TBC1D5: variants seen among roughly 807,000 people sequenced by gnomAD.
TBC1D5 encodes the protein TBC1 domain family, member 5.
TBC1D5 carries 75 observed loss-of-function variants against 100.3 expected under a neutral mutation model. The ratio of observed to expected loss-of-function variants is 0.75; its 90% CI spans 0.62 to 0.91. TBC1D5 has a LOEUF of 0.91. Among genes scored for constraint, TBC1D5 ranks in the 40% least tolerant of loss-of-function variants. The pLI is 0.00. For synonymous variants in TBC1D5, 323 were observed against 325.6 expected, an observed-to-expected ratio of 0.99 and a Z score of 0.09; for missense variants, 910 against 942.4, an observed-to-expected ratio of 0.97 and a Z score of 0.45.
chr3:17,352,683 C>T (rs866843772), intron 13 of TBC1D5, among the ~76,000 whole-genome samples: 1 of 94,904 alleles, frequency 1.1e-5, no homozygotes, highest in East Asian at 4.4e-4. Context: ...AAGCAAAAGG[C>T]AAAAAAAAAA....
intron 13 of TBC1D5, among the ~76,000 whole-genome samples, chr3:17,321,730 A>T (rs185180663): frequency 1.3e-4 from 20 of 152,286 alleles, no homozygotes; most frequent in Non-Finnish European, 2.8e-4. Flanking sequence ...TTTCTGTGCT[A>T]GTTCTTTCTT....
intron 1 of TBC1D5, among the ~76,000 whole-genome samples, chr3:17,697,054 G>A (rs188700540): frequency 1.2e-4 from 19 of 152,204 alleles, no homozygotes; most frequent in Admixed American, 1.2e-3. Flanking sequence ...AAATTCAACA[G>A]TATTTCATGC....
At chr3:17,511,149 T>C (rs890697855) in intron 2 of TBC1D5, among the ~76,000 whole-genome samples, 2 of 152,036 alleles carry the variant, frequency 1.3e-5, no homozygotes, top group Admixed American at 1.3e-4. Context: ...TGCTAATTTG[T>C]AAGTGTTAGC....
At chr3:17,178,066 C>CTTTTTT (rs34673889) in intron 19 of TBC1D5, among the ~76,000 whole-genome samples, 2 of 130,086 alleles carry the variant, frequency 1.5e-5, no homozygotes, top group Non-Finnish European at 3.2e-5. Flanking sequence ...AATAGTGCTC[C>CTTTTTT]TTTTTTTTTT....
intron 2 of TBC1D5, among the ~76,000 whole-genome samples, chr3:17,602,618 G>C (rs2061043390): frequency 7.7e-6 from 1 of 129,632 alleles, no homozygotes; most frequent in Admixed American, 9.1e-5. Context: ...TGTTGCCCAG[G>C]CTGGAGTGCA....
At chr3:17,303,153 G>A (rs967905565) in intron 14 of TBC1D5, among the ~76,000 whole-genome samples, 3 of 152,172 alleles carry the variant, frequency 2.0e-5, no homozygotes, top group Non-Finnish European at 4.4e-5. Flanking sequence ...AGGGAACAAT[G>A]TCTTTCCCTC....
At chr3:17,650,198 G>T (rs1026461418) in intron 1 of TBC1D5, among the ~76,000 whole-genome samples, 2 of 152,034 alleles carry the variant, frequency 1.3e-5, no homozygotes, top group Admixed American at 6.6e-5. Context: ...TGTAGGTGAC[G>T]GGTTGATGGG....
At chr3:17,653,182 T>C (rs2065745385) in intron 1 of TBC1D5, among the ~76,000 whole-genome samples, 1 of 152,160 alleles carries the variant, frequency 6.6e-6, no homozygotes, top group Non-Finnish European at 1.5e-5. Flanking sequence ...GAAAAATGAT[T>C]AATGGATACA....
chr3:17,546,242 A>C (rs73160942), intron 2 of TBC1D5, among the ~76,000 whole-genome samples: 10,425 of 152,186 alleles, frequency 0.069, 703 homozygotes, highest in African/African-American at 0.18. Flanking sequence ...TCATGGAAAC[A>C]CTATCATAGA....
intron 3 of TBC1D5, among the ~76,000 whole-genome samples, chr3:17,462,771 T>G (rs2095238651): frequency 6.6e-6 from 1 of 152,210 alleles, no homozygotes; most frequent in African/African-American, 2.4e-5. Flanking sequence ...TTAAACTGTA[T>G]CAATAAAAAT....
intron 2 of TBC1D5, among the ~76,000 whole-genome samples, chr3:17,609,652 A>G (rs916688620): frequency 1.3e-5 from 2 of 152,184 alleles, no homozygotes; most frequent in Non-Finnish European, 2.9e-5. Context: ...CATGCCTTCA[A>G]CTATCATCCT....
chr3:17,631,344 C>T (rs2063495366), intron 1 of TBC1D5, among the ~76,000 whole-genome samples: 1 of 152,028 alleles, frequency 6.6e-6, no homozygotes, highest in South Asian at 2.1e-4. Context: ...AGCTAGCAGA[C>T]ATTGATTCCT....
rs1271391324 is a variant in TBC1D5, at chr3:17,347,554, C to G, written c.995+24521G>C. Among the ~76,000 whole-genome samples, 15 of 151,742 alleles carry G rather than the reference C, an allele frequency of 9.9e-5. No homozygotes were observed. The East Asian group carries it at 2.9e-3, about 29-fold the overall frequency. ...AGCCTAAATTTTTTTTCTGACATAG[C>G]AGGAGGGAAGAGTAATAATAAACAT... On this transcript the variant is annotated intron_variant, in intron 13 of 21. Coordinates refer to ENST00000253692, the Ensembl canonical transcript of TBC1D5.
At chr3:17,432,609 T>C (rs2094464021) in intron 3 of TBC1D5, among the ~76,000 whole-genome samples, 2 of 152,230 alleles carry the variant, frequency 1.3e-5, no homozygotes, top group South Asian at 4.1e-4. Flanking sequence ...TTAATGTACT[T>C]ACATTCCAGT....
intron 2 of TBC1D5, among the ~76,000 whole-genome samples, chr3:17,607,039 C>T (rs914700289): frequency 6.6e-6 from 1 of 152,120 alleles, no homozygotes. Flanking sequence ...TCTGCTGTAA[C>T]TATTAGATTA....
chr3:17,689,658 A>T (rs980946019), intron 1 of TBC1D5, among the ~76,000 whole-genome samples: 1 of 152,230 alleles, frequency 6.6e-6, no homozygotes, highest in Non-Finnish European at 1.5e-5. Context: ...CACATCAGGC[A>T]GGGATAATCA....
intron 2 of TBC1D5, among the ~76,000 whole-genome samples, chr3:17,559,698 T>A (rs897067992): frequency 6.6e-6 from 1 of 151,844 alleles, no homozygotes; most frequent in Non-Finnish European, 1.5e-5. Flanking sequence ...CAAGCGATTC[T>A]CCTGCCTCAG....
Position 17,710,948 on chromosome 3 carries a change from C to G in TBC1D5, c.-101+28395G>C, listed in dbSNP as rs577099666. Among the ~76,000 whole-genome samples, 32 of 152,234 alleles carry G rather than the reference C, an allele frequency of 2.1e-4. No individual in the cohort carries two copies. The South Asian group carries it at 6.4e-3, about 31-fold the overall frequency. ...TCCTGACCTCGTGATCTGCCCACCT[C>G]GGCCTCCCAAAGTGCTAGAATTACA... On this transcript the variant is annotated intron_variant, in intron 1 of 21. Transcript: ENST00000253692.
intron 13 of TBC1D5, among the ~76,000 whole-genome samples, chr3:17,319,846 G>A: frequency 6.6e-6 from 1 of 151,922 alleles, no homozygotes; most frequent in East Asian, 1.9e-4. Flanking sequence ...CTCCAGCCTG[G>A]GCGACACAGC....
Sources: allele counts gnomAD v4.1 joint callset (sites outside exome capture counted in the v4.1 genomes callset), GRCh38; gene constraint gnomAD v4.1.1; transcripts MANE v1.5; gene names NCBI Gene and HGNC (gene_info 2026-07-23, HGNC 2026-07-21).